RTL4: variants seen among roughly 807,000 people sequenced by gnomAD.
The protein encoded by RTL4 is retrotransposon Gag-like protein 4.
RTL4 carries 4 observed loss-of-function variants against 5.3 expected under a neutral mutation model. The observed-to-expected ratio is 0.75, with a 90% CI of 0.37 to 1.72. RTL4 has a LOEUF of 1.72. Ranked by LOEUF, RTL4 falls within the 40% of genes most tolerant of loss-of-function variation. The pLI is 0.04. For synonymous variants in RTL4, 98 were observed against 87.3 expected (o/e 1.12, Z -0.68); for missense variants, 260 against 227.1 (o/e 1.14, Z -0.93).
chrX:112,175,376 G>A, the RTL4 span, among the ~76,000 whole-genome samples: 945 of 106,585 alleles, frequency 8.9e-3, 13 homozygotes, highest in African/African-American at 0.03. Flanking sequence ...GTTTGTCAAA[G>A]ATCAGATAGT....
the RTL4 span, among the ~76,000 whole-genome samples, chrX:112,083,571 T>A: frequency 9.0e-6 from 1 of 110,983 alleles, no homozygotes. Context: ...ACCCATAGGG[T>A]CGATCTCCCA....
chrX:112,137,021 A>C, the RTL4 span, among the ~76,000 whole-genome samples: 3 of 111,894 alleles, frequency 2.7e-5, no homozygotes, highest in Non-Finnish European at 5.6e-5. Context: ...AAATTATATC[A>C]AACTAAAATG....
chrX:112,273,686 C>T, the RTL4 span, among the ~76,000 whole-genome samples: 1 of 111,722 alleles, frequency 9.0e-6, no homozygotes, highest in African/African-American at 3.3e-5. Flanking sequence ...TGGAAGGTAG[C>T]AGAGTGGGGT....
the RTL4 span, among the ~76,000 whole-genome samples, chrX:112,110,817 C>A: frequency 8.9e-6 from 1 of 111,964 alleles, no homozygotes; most frequent in African/African-American, 3.2e-5. Flanking sequence ...CCCATTGTGT[C>A]TTTTTCCCTT....
At chrX:112,378,427 CTTAG>C in the RTL4 span, among the ~76,000 whole-genome samples, 1 of 111,379 alleles carries the variant, frequency 9.0e-6, no homozygotes, top group South Asian at 3.8e-4. Context: ...AGGTAGTACA[CTTAG>C]TTATTCATTT....
the RTL4 span, among the ~76,000 whole-genome samples, chrX:112,251,072 A>G: frequency 5.4e-5 from 6 of 111,437 alleles, no homozygotes; most frequent in Non-Finnish European, 1.1e-4. Context: ...ACATATAACA[A>G]CTCATTTAGT....
the RTL4 span, among the ~76,000 whole-genome samples, chrX:112,258,146 A>C: frequency 0.015 from 1,648 of 110,484 alleles, 32 homozygotes; most frequent in African/African-American, 0.051. Flanking sequence ...TTAAAAAGTT[A>C]TTAATAGTCT....
At chrX:112,327,318 G>C in the RTL4 span, among the ~76,000 whole-genome samples, 6 of 112,250 alleles carry the variant, frequency 5.3e-5, no homozygotes, top group African/African-American at 1.9e-4. Flanking sequence ...TAAAGGAGCT[G>C]ATGGAGCTGA....
the RTL4 span, among the ~76,000 whole-genome samples, chrX:112,243,819 C>G: frequency 9.0e-6 from 1 of 111,720 alleles, no homozygotes; most frequent in African/African-American, 3.3e-5. Flanking sequence ...TTCCTGCTTT[C>G]TCTTGTGGGC....
At chrX:112,166,022 A>G in the RTL4 span, among the ~76,000 whole-genome samples, 2 of 112,403 alleles carry the variant, frequency 1.8e-5, no homozygotes, top group Admixed American at 1.9e-4. Flanking sequence ...TGACTTGCTG[A>G]CACCTCCTCC....
At chrX:112,258,957 G>A in the RTL4 span, among the ~76,000 whole-genome samples, 1 of 110,933 alleles carries the variant, frequency 9.0e-6, no homozygotes, top group African/African-American at 3.3e-5. Context: ...ATACCATCTA[G>A]ACAATTAAAA....
the RTL4 span, among the ~76,000 whole-genome samples, chrX:112,236,506 G>A: frequency 1.2e-5 from 1 of 83,744 alleles, no homozygotes. Flanking sequence ...TATAGATATA[G>A]ATATATATAA....
At chrX:112,353,696 G>A in the RTL4 span, among the ~76,000 whole-genome samples, 1 of 110,209 alleles carries the variant, frequency 9.1e-6, no homozygotes, top group Non-Finnish European at 1.9e-5. Context: ...GGTATGGGGA[G>A]TGGGGAGGGA....
chrX:112,405,338 C>T, the RTL4 span, among the ~76,000 whole-genome samples: 1 of 111,958 alleles, frequency 8.9e-6, no homozygotes, highest in East Asian at 2.8e-4. Flanking sequence ...TTACTTTTCT[C>T]CATATTATAC....
At chrX:112,287,458 G>A in the RTL4 span, among the ~76,000 whole-genome samples, 3 of 111,980 alleles carry the variant, frequency 2.7e-5, no homozygotes, top group Admixed American at 9.5e-5. Context: ...ATTCTGAGAA[G>A]TATATCTGAC....
At chrX:112,348,370 G>GT in the RTL4 span, among the ~76,000 whole-genome samples, 5,655 of 94,164 alleles carry the variant, frequency 0.06, 225 homozygotes, top group African/African-American at 0.12. Flanking sequence ...CTTAATTTGT[G>GT]TTTTTTTTTT....
exon 1 of RTL4, chrX:112,455,027 T>C: frequency 8.3e-7 from 1 of 1,211,877 alleles, no homozygotes; most frequent in Non-Finnish European, 1.1e-6. Flanking sequence ...AAACTCTTTT[T>C]TGATTACCTA....
the RTL4 span, among the ~76,000 whole-genome samples, chrX:112,302,258 T>TA: frequency 0.098 from 8,175 of 83,488 alleles, 865 homozygotes; most frequent in African/African-American, 0.28. Flanking sequence ...AAGACTCTGT[T>TA]AAAAAAAAAA....
chrX:112,295,175 A>G, the RTL4 span, among the ~76,000 whole-genome samples: 11 of 111,944 alleles, frequency 9.8e-5, no homozygotes, highest in African/African-American at 3.2e-4. Context: ...TTCTAAGTGT[A>G]TCCAAAATGA....
Sources: gnomAD v4.1 joint callset for allele counts (sites outside exome capture counted in the v4.1 genomes callset) on GRCh38, gnomAD v4.1.1 for gene constraint, MANE v1.5 for transcripts, NCBI Gene and HGNC (gene_info 2026-07-23, HGNC 2026-07-21) for gene names.